The following NAPB variants were observed in gnomAD, a reference collection of about 807,000 sequenced individuals.
The protein encoded by NAPB is beta-soluble NSF attachment protein.
In NAPB, 26 loss-of-function variants were observed where a neutral mutation model predicts 44.7. That is an observed-to-expected ratio of 0.58 (90% CI 0.43 to 0.81). The LOEUF (loss-of-function observed/expected upper bound fraction) is 0.81, where lower values mean the gene tolerates loss of function less well. Ranked by LOEUF, NAPB falls within the 30% of genes least tolerant of loss-of-function variation. The pLI, the probability that NAPB is intolerant of heterozygous loss-of-function variation, is 0.00. For missense variants in NAPB, 315 were observed against 356.4 expected (o/e 0.88, Z 0.94); for synonymous variants, 120 against 116.8 (o/e 1.03, Z -0.18).
chr20:23,414,381 A>T (rs1036089061), intron 1 of NAPB, among the ~76,000 whole-genome samples: 1 of 152,194 alleles, frequency 6.6e-6, no homozygotes, highest in African/African-American at 2.4e-5. Context: ...ATATATTATA[A>T]TCCTGAGAGG....
At chr20:23,377,702 G>C (rs1982629537) in intron 10 of NAPB, among the ~76,000 whole-genome samples, 1 of 151,602 alleles carries the variant, frequency 6.6e-6, no homozygotes, top group South Asian at 2.1e-4. Flanking sequence ...CAAGTTCCTG[G>C]GCTTGACATT....
chr20:23,420,158 T>C (rs1018291545), intron 1 of NAPB, among the ~76,000 whole-genome samples: 1 of 152,168 alleles, frequency 6.6e-6, no homozygotes, highest in Non-Finnish European at 1.5e-5. Context: ...ATCATTCACA[T>C]ATTCAACAGC....
chr20:23,397,949 G>T (rs114449040), intron 2 of NAPB, among the ~76,000 whole-genome samples: 266 of 152,214 alleles, frequency 1.7e-3, no homozygotes, highest in African/African-American at 5.8e-3. Flanking sequence ...ATGGATTCTG[G>T]AGTGCTGGAA....
At chr20:23,395,881 C>T (rs569966484) in intron 3 of NAPB, among the ~76,000 whole-genome samples, 2 of 152,188 alleles carry the variant, frequency 1.3e-5, no homozygotes, top group Admixed American at 1.3e-4. Context: ...AAGTTTATTA[C>T]GTTTGGTTTA....
chr20:23,396,063 G>A (rs186727885), intron 3 of NAPB, among the ~76,000 whole-genome samples: 13 of 151,984 alleles, frequency 8.6e-5, no homozygotes, highest in Middle Eastern at 3.4e-3. Context: ...GCTCAAATCC[G>A]TTGTTAGTAC....
At chr20:23,410,095 A>C (rs1985544294) in intron 1 of NAPB, among the ~76,000 whole-genome samples, 1 of 152,222 alleles carries the variant, frequency 6.6e-6, no homozygotes, top group African/African-American at 2.4e-5. Flanking sequence ...AAGGCAACTT[A>C]GAAGGTGGGG....
chr20:23,401,839 C>G (rs1053947228), intron 2 of NAPB, among the ~76,000 whole-genome samples: 1 of 152,192 alleles, frequency 6.6e-6, no homozygotes, highest in Admixed American at 6.5e-5. Context: ...CAAGATTGTA[C>G]CACTGCACTC....
chr20:23,377,528 A>C (rs1243087946), intron 10 of NAPB, 42 bp from the exon 11 acceptor site: 3 of 1,315,834 alleles, frequency 2.3e-6, no homozygotes, highest in South Asian at 2.9e-5. Flanking sequence ...CCATGTAAAT[A>C]CATTAAAAAC....
intron 1 of NAPB, among the ~76,000 whole-genome samples, chr20:23,407,390 C>T (rs542007815): frequency 2.0e-5 from 3 of 152,290 alleles, no homozygotes; most frequent in African/African-American, 7.2e-5. Context: ...TACGCAGCAA[C>T]ATAAGTTAAA....
chr20:23,377,430 A>G lies in NAPB; in HGVS notation c.843T>C (p.Leu281=). The G allele has an allele frequency of 6.2e-7, 1 of 1,607,614 alleles. No individual in the cohort carries two copies. The highest frequency in any genetic ancestry group is 1.3e-5 in the African/African-American group (1 of 75,002). The change falls in exon 11 of 11, where the codon CTT becomes CTC. Residue 281 remains leucine (L), a synonymous_variant. Transcript: ENST00000377026. ...RLDQWLTTML[L]RIKKSIQGDG... is the part of the protein sequence containing the mutation. ...CCCCTTGGATGGACTTTTTGATGCG[A>G]AGCAACATGGTGGTCAGCCACTGAT... is the stretch of plus-strand genomic sequence containing the variant.
At chr20:23,389,182 C>T (rs1319787123) in intron 7 of NAPB, among the ~76,000 whole-genome samples, 2 of 122,130 alleles carry the variant, frequency 1.6e-5, no homozygotes, top group African/African-American at 6.3e-5. Context: ...AAATAACAAT[C>T]AAAAACAGAA....
At chr20:23,377,522 G>A (rs749428283) in intron 10 of NAPB, 36 bp from the exon 11 acceptor site, 9 of 1,400,032 alleles carry the variant, frequency 6.4e-6, no homozygotes, top group African/African-American at 2.8e-5. Flanking sequence ...ATTACCCCAT[G>A]TAAATACATT....
chr20:23,421,485 G>GGACGCA lies in NAPB; in HGVS notation c.-84_-83insTGCGTC. 7.8e-7 allele frequency: 1 copy of GGACGCA among 1,281,656 alleles called. No homozygotes were observed. 79.4% of individuals were successfully genotyped at this position (1,281,656 alleles called of 1,614,324 possible). A position where few individuals can be genotyped will look rare whatever the true frequency, so the allele number is the denominator to read the frequency against. ...TTAACCCTCCCTCTGGCGGCCGCAG[G>GGACGCA]GACGCAGGCGCAGGCGCGACGCGCG... On this transcript the variant is annotated 5_prime_UTR_variant, in exon 1 of 11. Coordinates refer to ENST00000377026, the MANE Select transcript of NAPB (RefSeq NM_022080.3).
chr20:23,408,211 T>C (rs2123239802), intron 1 of NAPB, among the ~76,000 whole-genome samples: 1 of 152,300 alleles, frequency 6.6e-6, no homozygotes, highest in African/African-American at 2.4e-5. Context: ...AAAAGGGACT[T>C]GCCCAGTGTG....
chr20:23,415,944 C>T (rs943561311), intron 1 of NAPB, among the ~76,000 whole-genome samples: 1 of 152,114 alleles, frequency 6.6e-6, no homozygotes, highest in African/African-American at 2.4e-5. Context: ...CCAGCCTAGG[C>T]AACAGAGTGA....
At chr20:23,385,084 G>A (rs946501002) in intron 7 of NAPB, among the ~76,000 whole-genome samples, 11 of 151,902 alleles carry the variant, frequency 7.2e-5, no homozygotes, top group South Asian at 2.1e-4. Flanking sequence ...ACTCCACTGC[G>A]CTCCAGTGTA....
chr20:23,403,089 A>G lies in NAPB; in HGVS notation c.99-17T>C. ...GTGTTTCCTCTGAGAAAAAGTTAAA[A>G]ATTAGATTTTTAACAACCATCCACA... On this transcript the variant is annotated splice_polypyrimidine_tract_variant and intron_variant, in intron 1 of 10. Coordinates refer to ENST00000377026, the MANE Select transcript of NAPB (RefSeq NM_022080.3). 1 of 1,599,916 alleles carries G rather than the reference A, an allele frequency of 6.3e-7. No homozygotes were observed. The highest frequency in any genetic ancestry group is 1.1e-5 in the South Asian group (1 of 90,130).
intron 1 of NAPB, among the ~76,000 whole-genome samples, chr20:23,416,879 C>T (rs1211440998): frequency 3.3e-5 from 5 of 152,162 alleles, no homozygotes; most frequent in Non-Finnish European, 5.9e-5. Flanking sequence ...AATTTACAGT[C>T]TACAATGCTT....
intron 7 of NAPB, among the ~76,000 whole-genome samples, chr20:23,383,391 C>T (rs974547470): frequency 1.3e-5 from 2 of 151,910 alleles, no homozygotes; most frequent in Non-Finnish European, 1.5e-5. Flanking sequence ...TAGGGGAAAA[C>T]AAGTTGAATG....
Sources: allele counts gnomAD v4.1 joint callset (sites outside exome capture counted in the v4.1 genomes callset), GRCh38; gene constraint gnomAD v4.1.1; transcripts MANE v1.5; gene names NCBI Gene and HGNC (gene_info 2026-07-23, HGNC 2026-07-21).